CRTC1: variants seen among roughly 807,000 people sequenced by gnomAD.
CRTC1 encodes the protein CREB regulated transcription coactivator 1, also known as CREB-regulated transcription coactivator 1.
A neutral mutation model predicts 66.1 loss-of-function variants in CRTC1; 18 were observed. That is an observed-to-expected ratio of 0.27 (90% confidence interval 0.19 to 0.40). CRTC1 has a LOEUF of 0.40. Ranked by LOEUF, CRTC1 falls within the 10% of genes least tolerant of loss-of-function variation. CRTC1 has a pLI of 1.00. For synonymous variants in CRTC1, 416 were observed against 398.8 expected, an observed-to-expected ratio of 1.04 and a Z score of -0.51; for missense variants, 669 against 887.9, an observed-to-expected ratio of 0.75 and a Z score of 3.13.
At chr19:18,740,765 A>G (rs931644879) in intron 1 of CRTC1, among the ~76,000 whole-genome samples, 2 of 152,172 alleles carry the variant, frequency 1.3e-5, no homozygotes, top group Non-Finnish European at 2.9e-5. Context: ...ACACTTTGGG[A>G]GGCCGAGGCG....
chr19:18,771,652 A>C lies in CRTC1; in HGVS notation c.1425+106A>C. The C allele has an allele frequency of 4.8e-6, 4 of 838,510 alleles. No homozygotes were observed. The highest frequency in any genetic ancestry group is 7.8e-6 in the Non-Finnish European group (4 of 514,626). The allele number at this position is 838,510 out of a possible 1,614,324, so 51.9% of individuals were successfully genotyped here. ...TGTCCTCATGCATCGCTCCTCATGC[A>C]TGTCCTCATGCATCCCATCCCGTCC... On this transcript the variant is annotated intron_variant, in intron 11 of 13. Transcript: ENST00000321949. This position sits in a 1 kb window ranked among gnomAD's most constrained non-coding sequence, Gnocchi z 4.6.
At chr19:18,726,239 G>T (rs1002442313) in intron 1 of CRTC1, among the ~76,000 whole-genome samples, 1 of 152,246 alleles carries the variant, frequency 6.6e-6, no homozygotes, top group Non-Finnish European at 1.5e-5. Flanking sequence ...CTCAGCCGGC[G>T]CTCCCAGCCA....
chr19:18,769,371 G>A (rs79862271), intron 10 of CRTC1, among the ~76,000 whole-genome samples: 78 of 152,360 alleles, frequency 5.1e-4, no homozygotes, highest in African/African-American at 1.8e-3. Flanking sequence ...TTGCTCCAGC[G>A]GCGCGGGCTG....
rs1276165739 is a variant in CRTC1 at position 18,719,232 on chromosome 19, A to G, written c.127-23678A>G. On this transcript the variant is annotated intron_variant, in intron 1 of 13. Transcript: ENST00000321949. Reference sequence around the variant, plus strand: ...TCCTCTGGGCTTGGTCCTTCCCTGCATCGTGTGTGTCTGCTGGGCACTCCA... The same window carrying G: ...TCCTCTGGGCTTGGTCCTTCCCTGCGTCGTGTGTGTCTGCTGGGCACTCCA... Among the ~76,000 whole-genome samples the G allele has an allele frequency of 2.0e-5, 3 of 152,286 alleles. No individual in the cohort carries two copies. In the East Asian group the frequency reaches 5.8e-4, roughly 29 times the overall value.
At chr19:18,752,945 T>A (rs1181954827) in intron 5 of CRTC1, among the ~76,000 whole-genome samples, 1 of 151,760 alleles carries the variant, frequency 6.6e-6, no homozygotes, top group African/African-American at 2.4e-5. Flanking sequence ...GCCTATTTTT[T>A]CTTAAGTCAC....
intron 8 of CRTC1, among the ~76,000 whole-genome samples, chr19:18,762,154 C>T (rs796641451): frequency 6.6e-5 from 10 of 152,358 alleles, no homozygotes; most frequent in African/African-American, 2.2e-4. Context: ...CATCTCTTCA[C>T]GGCCACCAGA....
chr19:18,725,294 C>T (rs2053723915), intron 1 of CRTC1, among the ~76,000 whole-genome samples: 1 of 152,164 alleles, frequency 6.6e-6, no homozygotes, highest in African/African-American at 2.4e-5. Context: ...GGCCTGAGGC[C>T]AGCACCCCTT....
At chr19:18,717,693 A>G (rs1568494566) in intron 1 of CRTC1, among the ~76,000 whole-genome samples, 1 of 151,700 alleles carries the variant, frequency 6.6e-6, no homozygotes, top group East Asian at 1.9e-4. Context: ...CAGCTCAGAG[A>G]GGAGGGTGCA....
At chr19:18,745,771 G>T (rs1439889431) in intron 2 of CRTC1, 52 bp from the exon 3 acceptor site, 3 of 1,610,040 alleles carry the variant, frequency 1.9e-6, no homozygotes, top group Non-Finnish European at 2.5e-6. Context: ...GCCACAGCTG[G>T]TAACCATTGT....
At chr19:18,722,269 G>C (rs957055786) in intron 1 of CRTC1, among the ~76,000 whole-genome samples, 2 of 152,212 alleles carry the variant, frequency 1.3e-5, no homozygotes, top group Non-Finnish European at 2.9e-5. Context: ...GGGTGTGGAC[G>C]CAGGCCACAG....
chr19:18,714,728 G>A (rs912295091), intron 1 of CRTC1, among the ~76,000 whole-genome samples: 1 of 152,210 alleles, frequency 6.6e-6, no homozygotes, highest in African/African-American at 2.4e-5. Flanking sequence ...TTTCAGCATG[G>A]CAGGTTAGGG....
chr19:18,727,580 C>CAAAAAAAAAAAAAAAAAAAAAAA (rs60907638), intron 1 of CRTC1, among the ~76,000 whole-genome samples: 3 of 51,794 alleles, frequency 5.8e-5, no homozygotes, highest in African/African-American at 8.3e-5. Context: ...GACTCTGTCT[C>CAAAAAAAAAAAAAAAAAAAAAAA]AAAAAAAAAA....
chr19:18,689,194 G>A (rs1008478201), intron 1 of CRTC1, among the ~76,000 whole-genome samples: 2 of 151,734 alleles, frequency 1.3e-5, no homozygotes, highest in Non-Finnish European at 2.9e-5. Flanking sequence ...TGATTCACCC[G>A]CCTTGGCCTC....
intron 1 of CRTC1, among the ~76,000 whole-genome samples, chr19:18,716,460 C>T (rs868465393): frequency 3.6e-4 from 55 of 152,240 alleles, no homozygotes; most frequent in South Asian, 6.2e-4. Flanking sequence ...CCATGTTGGC[C>T]AGGCTGGTCT....
chr19:18,739,656 C>A (rs143493608), intron 1 of CRTC1, among the ~76,000 whole-genome samples: 1 of 152,318 alleles, frequency 6.6e-6, no homozygotes, highest in Non-Finnish European at 1.5e-5. Flanking sequence ...GGGCAGGGGA[C>A]TGTGATGTGG....
intron 11 of CRTC1, among the ~76,000 whole-genome samples, chr19:18,773,700 C>T (rs1441512337): frequency 3.9e-5 from 6 of 152,198 alleles, no homozygotes; most frequent in African/African-American, 1.4e-4. Context: ...GCATTTTTGC[C>T]ACACGTGCTG....
In CRTC1 at chr19:18,777,514, C is replaced by A. The variant is rs776477439; in HGVS notation, c.*132C>A. The A allele has an allele frequency of 2.0e-5, 17 of 851,810 alleles. No homozygotes were observed. The South Asian group carries it at 2.6e-4, about 13-fold the overall frequency. 52.8% of individuals were successfully genotyped at this position (851,810 alleles called of 1,614,324 possible). A position where few individuals can be genotyped will look rare whatever the true frequency, so the allele number is the denominator to read the frequency against. On this transcript the variant is annotated 3_prime_UTR_variant, in exon 14 of 14. Coordinates refer to ENST00000321949, the MANE Select transcript of CRTC1 (RefSeq NM_015321.3). This position sits in a 1 kb window ranked among gnomAD's most constrained non-coding sequence, Gnocchi z 5.5. ...TTGCAATGCCGCCAAGCGCCCCCCGCCAGCCCGCCCCCGGTTGTCCACCTC... is the reference window on the plus strand; with the variant it reads ...TTGCAATGCCGCCAAGCGCCCCCCGACAGCCCGCCCCCGGTTGTCCACCTC...
intron 11 of CRTC1, among the ~76,000 whole-genome samples, chr19:18,773,881 C>T (rs962195214): frequency 6.6e-6 from 1 of 152,142 alleles, no homozygotes; most frequent in Non-Finnish European, 1.5e-5. Context: ...GGATTGAGGC[C>T]AGAGACTCAG....
At chr19:18,708,436 G>C (rs897974464) in intron 1 of CRTC1, among the ~76,000 whole-genome samples, 1 of 152,188 alleles carries the variant, frequency 6.6e-6, no homozygotes, top group Non-Finnish European at 1.5e-5. Flanking sequence ...GGGCCACCCC[G>C]GGTTTCTGGC....
Sources: gnomAD v4.1 joint callset for allele counts (sites outside exome capture counted in the v4.1 genomes callset) on GRCh38, gnomAD v4.1.1 for gene constraint, Gnocchi (gnomAD v3.1) non-coding constraint, MANE v1.5 for transcripts, NCBI Gene and HGNC (gene_info 2026-07-23, HGNC 2026-07-21) for gene names.